Variants in COTL1 observed in about 807,000 individuals in gnomAD.
The protein encoded by COTL1 is coactosin-like protein.
A neutral mutation model predicts 16.5 loss-of-function variants in COTL1; 15 were observed. That is an observed-to-expected ratio of 0.91 (90% CI 0.61 to 1.40). The LOEUF (loss-of-function observed/expected upper bound fraction) is 1.40. Among genes scored for constraint, COTL1 ranks in the 40% most tolerant of loss-of-function variants. The pLI is 0.00. For missense variants in COTL1, 220 were observed against 201.5 expected (o/e 1.09, Z -0.56); for synonymous variants, 112 against 85.3 (o/e 1.31, Z -1.73).
chr16:84,585,446 C>A (rs1167784363), intron 3 of COTL1, among the ~76,000 whole-genome samples: 1 of 152,002 alleles, frequency 6.6e-6, no homozygotes, highest in East Asian at 1.9e-4. Flanking sequence ...TCACACAAAG[C>A]ACAAGAATGC....
At chr16:84,595,607 G>T (rs1904982603) in intron 2 of COTL1, 1 of 152,198 alleles carries the variant, frequency 6.6e-6, no homozygotes, top group Non-Finnish European at 1.5e-5. Flanking sequence ...CATCAGCAGT[G>T]GGGAGCCCTA....
At chr16:84,580,341 T>C (rs577167275) in intron 3 of COTL1, among the ~76,000 whole-genome samples, 2 of 152,294 alleles carry the variant, frequency 1.3e-5, no homozygotes, top group Admixed American at 6.5e-5. Flanking sequence ...CATAGCTCAC[T>C]GCATCCTTGA....
At chr16:84,602,028 T>G (rs1243657027) in intron 2 of COTL1, among the ~76,000 whole-genome samples, 2 of 152,128 alleles carry the variant, frequency 1.3e-5, no homozygotes, top group Non-Finnish European at 2.9e-5. Flanking sequence ...TTCAGCTTGC[T>G]CAGCCCTACT....
At chr16:84,572,946 G>A (rs1023396984) in intron 3 of COTL1, among the ~76,000 whole-genome samples, 2 of 151,480 alleles carry the variant, frequency 1.3e-5, no homozygotes, top group African/African-American at 4.9e-5. Flanking sequence ...AGATAATGGG[G>A]TTTTACCATG....
At chr16:84,575,847 C>A (rs1174166058) in intron 3 of COTL1, 2 of 152,184 alleles carry the variant, frequency 1.3e-5, no homozygotes, top group African/African-American at 2.4e-5. Context: ...AGCTTCACAT[C>A]CTAGGGCTGT....
chr16:84,569,916 G>A (rs905386383), intron 3 of COTL1, among the ~76,000 whole-genome samples: 5 of 152,204 alleles, frequency 3.3e-5, no homozygotes, highest in African/African-American at 4.8e-5. Flanking sequence ...GCTATATATG[G>A]CAATCTACAG....
intron 2 of COTL1, among the ~76,000 whole-genome samples, chr16:84,608,880 G>A (rs1176569055): frequency 6.6e-6 from 1 of 152,160 alleles, no homozygotes; most frequent in African/African-American, 2.4e-5. Context: ...ACTCCAGACT[G>A]GGTGACAGGG....
intron 3 of COTL1, among the ~76,000 whole-genome samples, chr16:84,575,091 G>A (rs1904422172): frequency 6.6e-6 from 1 of 152,152 alleles, no homozygotes; most frequent in African/African-American, 2.4e-5. Context: ...AGGCTGGAGT[G>A]CAGTGGTGCA....
chr16:84,617,862 C>T lies in COTL1; in HGVS notation c.53G>A (p.Arg18His). ...EACRAAYNLVRDDGSAVIWVT... is the reference protein window; with the variant it reads ...EACRAAYNLVHDDGSAVIWVT... ...CCAGATGACGGCCGAGCCGTCGTCGCGCACCAGGTTGTACGCCGCCCGGCA... is the reference window on the plus strand; with the variant it reads ...CCAGATGACGGCCGAGCCGTCGTCGTGCACCAGGTTGTACGCCGCCCGGCA... Residue 18 changes from arginine (R) to histidine (H), a missense_variant, in exon 1 of 4, where the codon CGC (arginine) becomes CAC (histidine). Arg to His is a conservative substitution (Grantham distance 29). Coordinates refer to ENST00000262428, the MANE Select transcript of COTL1 (RefSeq NM_021149.5). The T allele has an allele frequency of 6.3e-7, 1 of 1,576,808 alleles. No individual in the cohort carries two copies. Among genetic ancestry groups the T allele is most frequent in the African/African-American group, 1.3e-5 (1 of 74,326 alleles).
chr16:84,580,638 C>A (rs1329003703), intron 3 of COTL1, among the ~76,000 whole-genome samples: 1 of 152,090 alleles, frequency 6.6e-6, no homozygotes, highest in African/African-American at 2.4e-5. Context: ...GGCCTCCAGT[C>A]CCCCACCATC....
intron 2 of COTL1, among the ~76,000 whole-genome samples, chr16:84,592,397 A>G (rs1904891847): frequency 6.6e-6 from 1 of 152,128 alleles, no homozygotes; most frequent in African/African-American, 2.4e-5. Context: ...ATGCTCTCTC[A>G]GGGCGTTTAG....
chr16:84,617,294 G>A (rs1435529773), intron 2 of COTL1, among the ~76,000 whole-genome samples: 1 of 152,208 alleles, frequency 6.6e-6, no homozygotes, highest in Non-Finnish European at 1.5e-5. Flanking sequence ...GGCGGAGGCA[G>A]GTGGGTCACT....
intron 3 of COTL1, chr16:84,575,674 T>C (rs1178187074): frequency 3.3e-5 from 5 of 152,188 alleles, no homozygotes; most frequent in Non-Finnish European, 7.3e-5. Flanking sequence ...CATTTTTTAA[T>C]GGCTCCCAAC....
intron 3 of COTL1, among the ~76,000 whole-genome samples, chr16:84,580,612 G>A (rs993751067): frequency 6.6e-6 from 1 of 151,926 alleles, no homozygotes; most frequent in African/African-American, 2.4e-5. Context: ...CATTATAAAA[G>A]CCCCACATTT....
chr16:84,615,433 C>T (rs1038163713), intron 2 of COTL1, among the ~76,000 whole-genome samples: 2 of 152,222 alleles, frequency 1.3e-5, no homozygotes, highest in African/African-American at 2.4e-5. Context: ...TGCCAGGAGC[C>T]TCCTGATGGG....
intron 3 of COTL1, among the ~76,000 whole-genome samples, chr16:84,587,770 CATT>C (rs1444363884): frequency 2.7e-5 from 4 of 147,512 alleles, no homozygotes; most frequent in Non-Finnish European, 6.0e-5. Context: ...TATGTCCTAT[CATT>C]ATTTATTTAT....
Position 84,590,294 on chromosome 16 carries a change from C to T in COTL1, c.161-32G>A. The T allele has an allele frequency of 1.2e-6, 2 of 1,607,380 alleles. No individual in the cohort carries two copies. Among genetic ancestry groups the T allele is most frequent in the Non-Finnish European group, 1.7e-6 (2 of 1,175,046 alleles). Reference sequence around the variant, plus strand: ...CCAAAAGCGAAAAGAGAACATGGTGCTGCGTTAAAACACCCCCATGTCATG... The same window carrying T: ...CCAAAAGCGAAAAGAGAACATGGTGTTGCGTTAAAACACCCCCATGTCATG... On this transcript the variant is annotated intron_variant, in intron 2 of 3. Transcript: ENST00000262428. The surrounding 1 kb of genome is among the most constrained non-coding windows in gnomAD (Gnocchi z 5.5).
chr16:84,575,034 CATTT>C (rs1476656941), intron 3 of COTL1, among the ~76,000 whole-genome samples: 1 of 152,096 alleles, frequency 6.6e-6, no homozygotes, highest in Non-Finnish European at 1.5e-5. Context: ...ATTCTTTTCT[CATTT>C]ATTTATTTAT....
intron 3 of COTL1, among the ~76,000 whole-genome samples, chr16:84,585,379 CT>C (rs1403472880): frequency 6.6e-6 from 1 of 152,108 alleles, no homozygotes; most frequent in Admixed American, 6.6e-5. Context: ...AATCGCCCCC[CT>C]GGATTCAAGT....
Sources: gnomAD v4.1 joint callset for allele counts (sites outside exome capture counted in the v4.1 genomes callset) on GRCh38, gnomAD v4.1.1 for gene constraint, Gnocchi (gnomAD v3.1) non-coding constraint, MANE v1.5 for transcripts, NCBI Gene and HGNC (gene_info 2026-07-23, HGNC 2026-07-21) for gene names.